Variants in ZNF181 observed in about 807,000 individuals in gnomAD.
ZNF181 encodes zinc finger protein 181 (HHZ181).
ZNF181 carries 8 observed loss-of-function variants against 11.9 expected under a neutral mutation model. The observed-to-expected ratio is 0.67, with a 90% CI of 0.39 to 1.21. ZNF181 has a LOEUF of 1.21. Among genes scored for constraint, ZNF181 ranks in the 50% most tolerant of loss-of-function variants. The pLI is 0.01. For synonymous variants in ZNF181, 202 were observed against 221.1 expected, an observed-to-expected ratio of 0.91 and a Z score of 0.77; for missense variants, 542 against 670.9, an observed-to-expected ratio of 0.81 and a Z score of 2.12.
chr19:34,735,272 G>A (rs371514661), intron 1 of ZNF181, among the ~76,000 whole-genome samples: 4 of 152,160 alleles, frequency 2.6e-5, no homozygotes, highest in South Asian at 2.1e-4. Flanking sequence ...TTCTAGTCTT[G>A]CCAACATTTT....
chr19:34,739,477 A>G lies in ZNF181; in HGVS notation c.131-46A>G, dbSNP rs760936075. 16 of 1,608,410 alleles carry G rather than the reference A, an allele frequency of 9.9e-6. No individual in the cohort carries two copies. The South Asian group carries it at 1.7e-4, about 17-fold the overall frequency. ...GTGGTCCCTCTTGTGATGGCCTCTC[A>G]TAATAGAGGACCACGGCTTAAACAA... On this transcript the variant is annotated intron_variant, in intron 2 of 3. Coordinates refer to ENST00000492450, the MANE Select transcript of ZNF181 (RefSeq NM_001029997.4).
intron 3 of ZNF181, among the ~76,000 whole-genome samples, chr19:34,739,858 T>C (rs10409513): frequency 6.6e-6 from 1 of 152,148 alleles, no homozygotes; most frequent in South Asian, 2.1e-4. Context: ...TTTGCCTTCA[T>C]AATAATTCAA....
intron 1 of ZNF181, among the ~76,000 whole-genome samples, chr19:34,737,220 T>G (rs1315158782): frequency 1.3e-5 from 2 of 152,218 alleles, no homozygotes; most frequent in Non-Finnish European, 2.9e-5. Flanking sequence ...TCTACATTTG[T>G]GGAGAGGATT....
Position 34,739,482 on chromosome 19 carries a change from A to G in ZNF181, c.131-41A>G, listed in dbSNP as rs752141183. 6.8e-6 allele frequency: 11 copies of G among 1,611,778 alleles called. No homozygotes were observed. In the African/African-American group the frequency reaches 1.1e-4, roughly 16 times the overall value. ...CCCTCTTGTGATGGCCTCTCATAAT[A>G]GAGGACCACGGCTTAAACAATTCTG... On this transcript the variant is annotated intron_variant, in intron 2 of 3. Coordinates refer to ENST00000492450, the MANE Select transcript of ZNF181 (RefSeq NM_001029997.4).
In ZNF181 at chr19:34,735,016, G is replaced by C. The variant is rs758788842; in HGVS notation, c.-22G>C. 19 of 1,576,690 alleles carry C rather than the reference G, an allele frequency of 1.2e-5. No individual in the cohort carries two copies. In the African/African-American group the frequency reaches 1.6e-4, roughly 13 times the overall value. ...AAGAGCCTGGAAAGAGGACTCTGTT[G>C]GCTGTTGGAAATTGCAGAGTAATGC... On this transcript the variant is annotated 5_prime_UTR_variant, in exon 1 of 4. Coordinates refer to ENST00000492450, the MANE Select transcript of ZNF181 (RefSeq NM_001029997.4).
At chr19:34,737,258 T>G (rs1207914293) in intron 1 of ZNF181, among the ~76,000 whole-genome samples, 1 of 152,234 alleles carries the variant, frequency 6.6e-6, no homozygotes, top group African/African-American at 2.4e-5. Flanking sequence ...GATTTGAATT[T>G]TAATTATTTT....
At chr19:34,738,966 T>C (rs534819646) in intron 1 of ZNF181, among the ~76,000 whole-genome samples, 182 bp from the exon 2 acceptor site, 2 of 152,342 alleles carry the variant, frequency 1.3e-5, no homozygotes, top group South Asian at 2.1e-4. Flanking sequence ...GTCCCCCTTA[T>C]TGTATAGTAA....
rs1471627979 is a variant in ZNF181 at position 34,740,933 on chromosome 19, A to C, written c.552A>C (p.Lys184Asn). The C allele has an allele frequency of 6.2e-7, 1 of 1,613,794 alleles. No homozygotes were observed. Among genetic ancestry groups the C allele is most frequent in the Non-Finnish European group, 8.5e-7 (1 of 1,179,850 alleles). The change falls in exon 4 of 4, where the codon AAA (lysine) becomes AAC (asparagine). Residue 184 changes from lysine (K) to asparagine (N), a missense_variant. Physicochemically the swap from Lys to Asn is moderately conservative, Grantham distance 94. Transcript: ENST00000492450. ...QKISAEGNSH[K>N]YDILKKNLPK... Reference sequence around the variant, plus strand: ...TTTCTGCTGAAGGGAATTCACACAAATATGATATATTAAAGAAGAACTTAC... The same window carrying C: ...TTTCTGCTGAAGGGAATTCACACAACTATGATATATTAAAGAAGAACTTAC...
rs748747015 is a variant in ZNF181, at chr19:34,739,796, A to G, written c.229+175A>G. Among the ~76,000 whole-genome samples, 123 of 152,342 alleles carry G rather than the reference A, an allele frequency of 8.1e-4. 1 individual carries two copies. The highest frequency in any genetic ancestry group is 3.7e-4 in the Non-Finnish European group (25 of 68,022). ...AGATTTTCAAAACAATTGTTCCTCTATCCCAAATTATTATCTGTATCACTC... is the reference window on the plus strand; with the variant it reads ...AGATTTTCAAAACAATTGTTCCTCTGTCCCAAATTATTATCTGTATCACTC... On this transcript the variant is annotated intron_variant, in intron 3 of 3. Transcript: ENST00000492450.
Position 34,743,076 on chromosome 19 carries a change from G to A in ZNF181, c.*979G>A, listed in dbSNP as rs913119689. 6 of 152,124 alleles carry A rather than the reference G, an allele frequency of 3.9e-5. No homozygotes were observed. Among genetic ancestry groups the A allele is most frequent in the Non-Finnish European group, 8.8e-5 (6 of 68,024 alleles). 9.4% of individuals were successfully genotyped at this position (152,124 alleles called of 1,614,324 possible). On this transcript the variant is annotated 3_prime_UTR_variant, in exon 4 of 4. Coordinates refer to ENST00000492450, the MANE Select transcript of ZNF181 (RefSeq NM_001029997.4). Reference sequence around the variant, plus strand: ...CAAAAAAATTTACTGAGCATCACTCGTGTATTATTACACAGCGATGGGATA... The same window carrying A: ...CAAAAAAATTTACTGAGCATCACTCATGTATTATTACACAGCGATGGGATA...
intron 1 of ZNF181, among the ~76,000 whole-genome samples, chr19:34,736,485 T>C (rs1463823414): frequency 2.6e-5 from 4 of 152,284 alleles, no homozygotes; most frequent in South Asian, 4.1e-4. Context: ...TTAGGAAGTA[T>C]CTGTTAGGAA....
Position 34,735,043 on chromosome 19 carries a change from T to A in ZNF181, c.6T>A (p.Pro2=). M[P]QVTFNDVAID... Reference sequence around the variant, plus strand: ...CTGTTGGAAATTGCAGAGTAATGCCTCAGGTAGGTCGGTGTGTCCGCAAAT... The same window carrying A: ...CTGTTGGAAATTGCAGAGTAATGCCACAGGTAGGTCGGTGTGTCCGCAAAT... Residue 2 remains proline (P), a synonymous_variant, in exon 1 of 4, where the codon CCT becomes CCA. Transcript: ENST00000492450. 1 of 1,575,892 alleles carries A rather than the reference T, an allele frequency of 6.3e-7. No individual in the cohort carries two copies. Among genetic ancestry groups the A allele is most frequent in the South Asian group, 1.2e-5 (1 of 85,730 alleles).
chr19:34,734,839 T>G lies in ZNF181; in HGVS notation c.-199T>G. ...TAGCCCTTGCGGAGAAACACCCTGT[T>G]AGTTCCCAGGGAGAGATTGGCGCCC... On this transcript the variant is annotated 5_prime_UTR_variant, in exon 1 of 4. The change abolishes the stop of an existing upstream ORF in the 5' untranslated region. Transcript: ENST00000492450. 1 of 572,258 alleles carries G rather than the reference T, an allele frequency of 1.7e-6. No individual in the cohort carries two copies. Among genetic ancestry groups the G allele is most frequent in the Non-Finnish European group, 3.1e-6 (1 of 319,730 alleles). 35.4% of individuals were successfully genotyped at this position (572,258 alleles called of 1,614,324 possible).
rs1483882512 is a variant in ZNF181 at position 34,743,048 on chromosome 19, T to A, written c.*951T>A. On this transcript the variant is annotated 3_prime_UTR_variant, in exon 4 of 4. Transcript: ENST00000492450. ...TTTCCAGTAGGCTTAATCAAATACA[T>A]TTCAAAAAAATTTACTGAGCATCAC... 4 of 152,146 alleles carry A rather than the reference T, an allele frequency of 2.6e-5. No individual in the cohort carries two copies. The highest frequency in any genetic ancestry group is 6.5e-5 in the Admixed American group (1 of 15,274). 9.4% of individuals were successfully genotyped at this position (152,146 alleles called of 1,614,324 possible). A position where few individuals can be genotyped will look rare whatever the true frequency, so the allele number is the denominator to read the frequency against.
rs2068863368 is a variant in ZNF181 at position 34,734,825 on chromosome 19, G to A, written c.-213G>A. On this transcript the variant is annotated 5_prime_UTR_variant, in exon 1 of 4. Transcript: ENST00000492450. ...ACCTGGTAAATGGTTAGCCCTTGCG[G>A]AGAAACACCCTGTTAGTTCCCAGGG... 5.4e-6 allele frequency: 3 copies of A among 554,686 alleles called. No individual in the cohort carries two copies. The highest frequency in any genetic ancestry group is 2.9e-5 in the East Asian group (1 of 34,276). The allele number at this position is 554,686 out of a possible 1,614,324, so 34.4% of individuals were successfully genotyped here.
At chr19:34,739,050 T>C (rs2068928165) in intron 1 of ZNF181, 98 bp from the exon 2 acceptor site, 1 of 1,556,178 alleles carries the variant, frequency 6.4e-7, no homozygotes, top group Middle Eastern at 1.7e-4. Context: ...CTCCTGAATC[T>C]TGTTCCATTT....
chr19:34,740,677 C>G lies in ZNF181; in HGVS notation c.296C>G (p.Pro99Arg). Residue 99 changes from proline (P) to arginine (R), a missense_variant, in exon 4 of 4, where the codon CCC becomes CGC. By Grantham distance (103) the Pro-to-Arg change is moderately radical. Coordinates refer to ENST00000492450, the MANE Select transcript of ZNF181 (RefSeq NM_001029997.4). ...TKKDNYDEDS[P>R]QTVIIEKVVK... ...AAGGATAATTATGATGAAGATTCAC[C>G]CCAAACAGTAATAATAGAAAAAGTT... 1 of 1,609,282 alleles carries G rather than the reference C, an allele frequency of 6.2e-7. No individual in the cohort carries two copies. The highest frequency in any genetic ancestry group is 8.5e-7 in the Non-Finnish European group (1 of 1,178,034).
In ZNF181 at chr19:34,742,168, A is replaced by T. The variant is rs138618816; in HGVS notation, c.*71A>T. ...CATTAGAAAAATTTATACTGGGGAAAGTCTTATGAATGTGGTGAATATAGG... is the reference window on the plus strand; with the variant it reads ...CATTAGAAAAATTTATACTGGGGAATGTCTTATGAATGTGGTGAATATAGG... On this transcript the variant is annotated 3_prime_UTR_variant, in exon 4 of 4. Transcript: ENST00000492450. 516 of 1,453,016 alleles carry T rather than the reference A, an allele frequency of 3.6e-4. 1 individual carries two copies. The highest frequency in any genetic ancestry group is 4.5e-4 in the Non-Finnish European group (487 of 1,085,308). The allele number at this position is 1,453,016 out of a possible 1,614,324, so 90.0% of individuals were successfully genotyped here.
intron 1 of ZNF181, among the ~76,000 whole-genome samples, chr19:34,736,833 T>G (rs1476352642): frequency 6.6e-6 from 1 of 152,210 alleles, no homozygotes; most frequent in African/African-American, 2.4e-5. Flanking sequence ...TAGGCTATGT[T>G]CTTTTGGGGA....
Sources: allele counts gnomAD v4.1 joint callset (sites outside exome capture counted in the v4.1 genomes callset), GRCh38; gene constraint gnomAD v4.1.1; transcripts MANE v1.5; gene names NCBI Gene and HGNC (gene_info 2026-07-23, HGNC 2026-07-21).